Variants in KANSL1 observed in about 807,000 individuals in gnomAD.
The protein encoded by KANSL1 is MLL1/MLL complex subunit KANSL1.
In KANSL1, 22 loss-of-function variants were observed where a neutral mutation model predicts 103.6. The observed-to-expected ratio is 0.21, with a 90% confidence interval of 0.15 to 0.30. The LOEUF is 0.30. KANSL1 is among the 10% of genes least tolerant of loss of function. The pLI, the probability that KANSL1 is intolerant of heterozygous loss-of-function variation, is 1.00. For synonymous variants in KANSL1, 600 were observed against 527.6 expected (o/e 1.14, Z -1.88); for missense variants, 1,337 against 1,399.8 (o/e 0.96, Z 0.72).
At chr17:46,142,153 T>C (rs2044454467) in intron 2 of KANSL1, among the ~76,000 whole-genome samples, 1 of 152,234 alleles carries the variant, frequency 6.6e-6, no homozygotes, top group African/African-American at 2.4e-5. Flanking sequence ...AATTCTCCTA[T>C]TAGTGTCTGG....
chr17:46,217,420 A>G (rs2266497), intron 1 of KANSL1, among the ~76,000 whole-genome samples: 21,914 of 151,948 alleles, frequency 0.14, 2,137 homozygotes, highest in Non-Finnish European at 0.22. Flanking sequence ...AGGTTGCAGT[A>G]AGCTGAGATC....
chr17:46,107,234 T>A (rs993188265), intron 2 of KANSL1, among the ~76,000 whole-genome samples: 4 of 152,224 alleles, frequency 2.6e-5, no homozygotes, highest in African/African-American at 7.2e-5. Context: ...CTGCTAATAA[T>A]AGGAAGCCAG....
Position 46,039,841 on chromosome 17 carries a change from C to G in KANSL1, c.2064G>C (p.Gln688His), listed in dbSNP as rs2077261265. The G allele has an allele frequency of 6.2e-7, 1 of 1,614,110 alleles. No homozygotes were observed. Among genetic ancestry groups the G allele is most frequent in the Non-Finnish European group, 8.5e-7 (1 of 1,180,058 alleles). ...SLHFQSMLKS[Q>H]WQNKPFDKIK... The stretch of plus-strand genomic sequence containing the variant: ...TTTTGTCAAAAGGCTTGTTCTGCCA[C>G]TGAGATTTCAGCATGCTCTGGAAAT... Residue 688 changes from glutamine (Q) to histidine (H), a missense_variant, in exon 8 of 15, where the codon CAG becomes CAC. Physicochemically the swap from Gln to His is conservative, Grantham distance 24. Coordinates refer to ENST00000432791, the MANE Select transcript of KANSL1 (RefSeq NM_015443.4).
chr17:46,105,751 G>A (rs529302504), intron 2 of KANSL1, among the ~76,000 whole-genome samples: 3 of 152,132 alleles, frequency 2.0e-5, no homozygotes, highest in African/African-American at 7.2e-5. Flanking sequence ...CAAGCCTAAG[G>A]TCCCAGCTAC....
intron 4 of KANSL1, among the ~76,000 whole-genome samples, chr17:46,073,550 G>A (rs1319239225): frequency 1.3e-5 from 2 of 152,090 alleles, no homozygotes; most frequent in African/African-American, 4.8e-5. Flanking sequence ...TAACCTACAG[G>A]ACGTTGAGTG....
intron 7 of KANSL1, chr17:46,041,910 G>GTGTGTGTGTGTA (rs1271542269): frequency 3.0e-5 from 4 of 131,198 alleles, no homozygotes; most frequent in Middle Eastern, 3.7e-3. Context: ...GTGTGTGTGT[G>GTGTGTGTGTGTA]TATATTTTTT....
At chr17:46,075,482 G>A (rs1171611299) in intron 4 of KANSL1, among the ~76,000 whole-genome samples, 2 of 152,016 alleles carry the variant, frequency 1.3e-5, no homozygotes, top group South Asian at 2.1e-4. Flanking sequence ...GATTACAGGC[G>A]CACACCACCA....
chr17:46,185,690 T>TACACACACACACAC (rs1285810639), intron 1 of KANSL1, among the ~76,000 whole-genome samples: 1 of 65,982 alleles, frequency 1.5e-5, no homozygotes, highest in African/African-American at 4.6e-5. Context: ...CACACACATA[T>TACACACACACACAC]ATACACACAC....
At chr17:46,170,310 G>A (rs2046218973) in intron 2 of KANSL1, 1 of 153,402 alleles carries the variant, frequency 6.5e-6, no homozygotes, top group South Asian at 2.1e-4. Flanking sequence ...GTGCTTGGAG[G>A]CGATGTATTA....
intron 2 of KANSL1, among the ~76,000 whole-genome samples, chr17:46,159,922 T>C (rs1242141590): frequency 6.6e-6 from 1 of 152,238 alleles, no homozygotes; most frequent in Non-Finnish European, 1.5e-5. Context: ...TCCACCCACG[T>C]ACTGTGTGGT....
chr17:46,197,292 C>G (rs908268552), upstream of KANSL1, among the ~76,000 whole-genome samples: 2 of 152,248 alleles, frequency 1.3e-5, no homozygotes, highest in African/African-American at 4.8e-5. Flanking sequence ...CCACCTACAA[C>G]TCATGTTATC....
chr17:46,096,882 G>T (rs1315760799), intron 2 of KANSL1, among the ~76,000 whole-genome samples: 5 of 152,216 alleles, frequency 3.3e-5, no homozygotes, highest in Non-Finnish European at 7.3e-5. Context: ...CTCCCAAAGT[G>T]CTGGGATTAC....
At chr17:46,142,868 C>G (rs879577248) in intron 2 of KANSL1, among the ~76,000 whole-genome samples, 14 of 152,202 alleles carry the variant, frequency 9.2e-5, no homozygotes, top group Admixed American at 2.0e-4. Flanking sequence ...TGTTCACACT[C>G]TCTTTTATTC....
chr17:46,112,461 G>A (rs554962827), intron 2 of KANSL1, among the ~76,000 whole-genome samples: 3 of 150,874 alleles, frequency 2.0e-5, no homozygotes, highest in Non-Finnish European at 4.4e-5. Context: ...GAGGCGAGCG[G>A]ATCACCTGAG....
intron 4 of KANSL1, among the ~76,000 whole-genome samples, chr17:46,071,982 A>G (rs1029464): frequency 8.1e-5 from 8 of 98,984 alleles, no homozygotes; most frequent in Non-Finnish European, 1.9e-4. Flanking sequence ...TGCTCCCCCC[A>G]CCCCTCCCCC....
intron 7 of KANSL1, chr17:46,043,617 A>G (rs2077402598): frequency 6.6e-6 from 1 of 152,352 alleles, no homozygotes; most frequent in African/African-American, 2.4e-5. Flanking sequence ...CCAGACAGTT[A>G]CTGTCAATTC....
At chr17:46,125,085 AGAGGGAGG>A (rs1349048192) in intron 2 of KANSL1, among the ~76,000 whole-genome samples, 1 of 33,936 alleles carries the variant, frequency 2.9e-5, no homozygotes, top group Admixed American at 3.9e-4. Flanking sequence ...AGGGAGGGAG[AGAGGGAGG>A]GAGGGAGAGA....
chr17:46,143,856 A>T (rs2044558894), intron 2 of KANSL1, among the ~76,000 whole-genome samples: 1 of 150,608 alleles, frequency 6.6e-6, no homozygotes, highest in South Asian at 2.1e-4. Flanking sequence ...AGTAGAAGAG[A>T]TGAGAAAATT....
At chr17:46,151,301 C>T (rs938217487) in intron 2 of KANSL1, among the ~76,000 whole-genome samples, 2 of 152,318 alleles carry the variant, frequency 1.3e-5, no homozygotes, top group South Asian at 2.1e-4. Context: ...TCCAACAAAC[C>T]GGGCTCAGTC....
Sources: gnomAD v4.1 joint callset for allele counts (sites outside exome capture counted in the v4.1 genomes callset) on GRCh38, gnomAD v4.1.1 for gene constraint, MANE v1.5 for transcripts, NCBI Gene and HGNC (gene_info 2026-07-23, HGNC 2026-07-21) for gene names.